The following FNDC3A variants were observed in gnomAD, a reference collection of about 807,000 sequenced individuals.
FNDC3A encodes fibronectin type III domain containing 3A, also known as fibronectin type-III domain-containing protein 3A.
FNDC3A carries 32 observed loss-of-function variants against 148.9 expected under a neutral mutation model. The ratio of observed to expected loss-of-function variants is 0.21; its 90% CI spans 0.16 to 0.29. The LOEUF (loss-of-function observed/expected upper bound fraction) is 0.29, where lower values mean the gene tolerates loss of function less well. FNDC3A is among the 10% of genes least tolerant of loss of function. The probability of loss-of-function intolerance (pLI) is 1.00; values close to 1 mark genes in which losing one functional copy is unlikely to be tolerated. For missense variants in FNDC3A, 1,191 were observed against 1,452.8 expected (o/e 0.82, Z 2.93); for synonymous variants, 472 against 473.6 (o/e 1.00, Z 0.04).
chr13:49,043,073 A>G (rs190693448), intron 2 of FNDC3A, among the ~76,000 whole-genome samples: 3 of 150,730 alleles, frequency 2.0e-5, no homozygotes, highest in Admixed American at 1.3e-4. Flanking sequence ...CTCCCACCTC[A>G]GCCTCCCAAG....
At chr13:49,022,161 T>A (rs916982615) in intron 2 of FNDC3A, among the ~76,000 whole-genome samples, 3 of 152,178 alleles carry the variant, frequency 2.0e-5, no homozygotes, top group African/African-American at 7.2e-5. Flanking sequence ...CTTTCATGCA[T>A]AGCAGGCCTT....
chr13:49,207,566 TTA>T lies in FNDC3A; in HGVS notation c.*172_*173del. ...TTGTTAGGTAGAGGCTGGCACTTTA[TTA>T]GAATGCAAGCCACAAAAATATCAAT... On this transcript the variant is annotated 3_prime_UTR_variant, in exon 26 of 26. Coordinates refer to ENST00000492622, the MANE Select transcript of FNDC3A (RefSeq NM_001079673.2). 1 of 436,426 alleles carries T rather than the reference TTA, an allele frequency of 2.3e-6. No individual in the cohort carries two copies. The allele number at this position is 436,426 out of a possible 1,614,324, so 27.0% of individuals were successfully genotyped here.
chr13:49,189,950 G>A (rs995450961), intron 17 of FNDC3A, among the ~76,000 whole-genome samples: 1 of 152,052 alleles, frequency 6.6e-6, no homozygotes, highest in Non-Finnish European at 1.5e-5. Flanking sequence ...GCAGTGGCAC[G>A]ATCTCGGCTC....
At chr13:49,185,757 C>CTT (rs1885535512) in intron 14 of FNDC3A, among the ~76,000 whole-genome samples, 1 of 152,116 alleles carries the variant, frequency 6.6e-6, no homozygotes, top group South Asian at 2.1e-4. Context: ...AGGACGGACT[C>CTT]TAAAAGGGGA....
chr13:49,048,609 T>C (rs1226630456), intron 2 of FNDC3A, among the ~76,000 whole-genome samples: 1 of 152,138 alleles, frequency 6.6e-6, no homozygotes, highest in Non-Finnish European at 1.5e-5. Flanking sequence ...CTTGATTTGA[T>C]TCTCCGCTTG....
intron 3 of FNDC3A, among the ~76,000 whole-genome samples, chr13:49,098,153 T>A (rs1879648861): frequency 6.6e-6 from 1 of 152,062 alleles, no homozygotes; most frequent in African/African-American, 2.4e-5. Context: ...GGGCAATCTA[T>A]AATTAAAATA....
At chr13:49,091,359 A>C (rs554013289) in intron 3 of FNDC3A, among the ~76,000 whole-genome samples, 1 of 151,874 alleles carries the variant, frequency 6.6e-6, no homozygotes, top group African/African-American at 2.4e-5. Context: ...AAAAAAAACA[A>C]CTCCTGGGGC....
At chr13:49,196,634 T>C (rs892251812) in intron 19 of FNDC3A, among the ~76,000 whole-genome samples, 1 of 152,196 alleles carries the variant, frequency 6.6e-6, no homozygotes, top group African/African-American at 2.4e-5. Flanking sequence ...CAAAAACCAT[T>C]TCCTGAAGAA....
chr13:49,181,909 C>T (rs1262705608), intron 14 of FNDC3A, among the ~76,000 whole-genome samples: 9 of 151,792 alleles, frequency 5.9e-5, no homozygotes, highest in African/African-American at 2.2e-4. Flanking sequence ...TCTGGGATAA[C>T]CAAAATACTA....
chr13:48,980,984 A>G (rs1196751489), intron 1 of FNDC3A, among the ~76,000 whole-genome samples: 1 of 152,184 alleles, frequency 6.6e-6, no homozygotes, highest in East Asian at 1.9e-4. Flanking sequence ...AAACAAAATC[A>G]TGAAACTTAA....
At chr13:49,110,827 G>A (rs985126436) in intron 3 of FNDC3A, among the ~76,000 whole-genome samples, 6 of 152,194 alleles carry the variant, frequency 3.9e-5, no homozygotes, top group African/African-American at 1.4e-4. Context: ...AGATAAAGAA[G>A]AATTTAAGTT....
chr13:49,128,560 C>T (rs564860199), intron 4 of FNDC3A, among the ~76,000 whole-genome samples: 2 of 152,146 alleles, frequency 1.3e-5, no homozygotes, highest in East Asian at 1.9e-4. Flanking sequence ...CACATATCCT[C>T]TAGGAGTCAG....
chr13:49,055,973 G>T (rs1171814026), intron 2 of FNDC3A, among the ~76,000 whole-genome samples: 1 of 151,972 alleles, frequency 6.6e-6, no homozygotes, highest in African/African-American at 2.4e-5. Context: ...GATCACTTGA[G>T]CCCAGAAGTT....
chr13:49,145,121 T>C (rs1281069644), intron 7 of FNDC3A, among the ~76,000 whole-genome samples: 3 of 152,170 alleles, frequency 2.0e-5, no homozygotes, highest in African/African-American at 4.8e-5. Context: ...GAAAAAAAAT[T>C]CCTGGATGTA....
intron 25 of FNDC3A, among the ~76,000 whole-genome samples, chr13:49,204,795 G>C (rs993667214): frequency 6.6e-6 from 1 of 152,124 alleles, no homozygotes; most frequent in African/African-American, 2.4e-5. Flanking sequence ...ACAGTTACCT[G>C]TGTCTCTTCC....
chr13:49,174,331 T>G lies in FNDC3A; in HGVS notation c.1231-104T>G, dbSNP rs543157360. ...CAGCCTTCTCTTGAGATCCATGACT[T>G]TTAGTATACACTTGCTAATATGTAA... On this transcript the variant is annotated intron_variant, in intron 11 of 25. Transcript: ENST00000492622. 51 of 865,640 alleles carry G rather than the reference T, an allele frequency of 5.9e-5. No homozygotes were observed. In the African/African-American group the frequency reaches 7.6e-4, roughly 13 times the overall value. The allele number at this position is 865,640 out of a possible 1,614,324, so 53.6% of individuals were successfully genotyped here.
intron 23 of FNDC3A, among the ~76,000 whole-genome samples, chr13:49,200,350 C>T (rs542826664): frequency 3.3e-5 from 5 of 152,182 alleles, no homozygotes; most frequent in African/African-American, 1.2e-4. Context: ...ACAGAACAAA[C>T]GTGATCATTT....
intron 2 of FNDC3A, among the ~76,000 whole-genome samples, chr13:49,025,980 CT>C (rs1408966524): frequency 6.6e-6 from 1 of 152,156 alleles, no homozygotes; most frequent in Admixed American, 6.5e-5. Flanking sequence ...AAACTATTCT[CT>C]GCATTTTGTA....
chr13:49,059,231 CAACCTGAATATAAAAGCTAAAACTATAG>C (rs1352873616), intron 2 of FNDC3A, among the ~76,000 whole-genome samples: 3 of 152,140 alleles, frequency 2.0e-5, no homozygotes, highest in Non-Finnish European at 4.4e-5. Flanking sequence ...AATGGATCAG[CAACCTGAATATAAAAGCTAAAACTATAG>C]AACTCTTAGA....
Sources: gnomAD v4.1 joint callset for allele counts (sites outside exome capture counted in the v4.1 genomes callset) on GRCh38, gnomAD v4.1.1 for gene constraint, MANE v1.5 for transcripts, NCBI Gene and HGNC (gene_info 2026-07-23, HGNC 2026-07-21) for gene names.